BRINP2: variants seen among roughly 807,000 people sequenced by gnomAD.
BRINP2 encodes the protein BMP/retinoic acid-inducible neural-specific protein 2.
A neutral mutation model predicts 69.2 loss-of-function variants in BRINP2; 21 were observed. The observed-to-expected ratio is 0.30, with a 90% confidence interval of 0.22 to 0.44. The LOEUF is 0.44. Ranked by LOEUF, BRINP2 falls within the 20% of genes least tolerant of loss-of-function variation. The pLI, the probability that BRINP2 is intolerant of heterozygous loss-of-function variation, is 1.00. For missense variants in BRINP2, 877 were observed against 986.0 expected, an observed-to-expected ratio of 0.89 and a Z score of 1.48; for synonymous variants, 380 against 394.1, an observed-to-expected ratio of 0.96 and a Z score of 0.42.
intron 1 of BRINP2, among the ~76,000 whole-genome samples, chr1:177,202,719 T>G (rs1337556474): frequency 6.6e-6 from 1 of 152,146 alleles, no homozygotes; most frequent in Non-Finnish European, 1.5e-5. Context: ...AAAAAACACA[T>G]GAAAAAATGC....
rs778923694 is a variant in BRINP2, at chr1:177,255,981, C to T, written c.332C>T (p.Pro111Leu). The part of the protein sequence containing the change: ...ALERKDFFSL[P>L]LPLAPEFIRN... ...GAAAGGAAGGACTTCTTCAGTTTGC[C>T]ATTGCCTCTTGCCCCAGAGTTTATC... The change falls in exon 3 of 8, where the codon CCA (proline) becomes CTA (leucine). Residue 111 changes from proline (P) to leucine (L), a missense_variant. Physicochemically the swap from Pro to Leu is moderately conservative, Grantham distance 98 (BLOSUM62 -3). Coordinates refer to ENST00000361539, the MANE Select transcript of BRINP2 (RefSeq NM_021165.4). 6.2e-7 allele frequency: 1 copy of T among 1,614,228 alleles called. No homozygotes were observed. Among genetic ancestry groups the T allele is most frequent in the Non-Finnish European group, 8.5e-7 (1 of 1,180,044 alleles).
At chr1:177,181,683 G>C (rs1648253363) in intron 1 of BRINP2, among the ~76,000 whole-genome samples, 1 of 152,234 alleles carries the variant, frequency 6.6e-6, no homozygotes, top group Admixed American at 6.5e-5. Context: ...TCAATACGTC[G>C]TTAGGCAGGA....
At position 177,224,461 on chromosome 1, in the gene BRINP2, T is replaced by A. The variant is rs551130957; in HGVS notation, c.-76-5340T>A. Among the ~76,000 whole-genome samples the A allele has an allele frequency of 2.0e-5, 3 of 152,304 alleles. No homozygotes were observed. The South Asian group carries it at 6.2e-4, about 32-fold the overall frequency. ...TACATATGTGCCCCTTATATTTGCA[T>A]AGAATTATGGAATATCAGCAGCAGG... is the stretch of plus-strand genomic sequence containing the variant. On this transcript the variant is annotated intron_variant, in intron 1 of 7. Transcript: ENST00000361539.
At chr1:177,272,507 T>C (rs543171782) in intron 4 of BRINP2, among the ~76,000 whole-genome samples, 2 of 152,204 alleles carry the variant, frequency 1.3e-5, no homozygotes, top group South Asian at 2.1e-4. Flanking sequence ...TTGGAGCCTA[T>C]AGAGTGTAGG....
intron 2 of BRINP2, among the ~76,000 whole-genome samples, chr1:177,238,033 G>T (rs1275052590): frequency 6.6e-6 from 1 of 152,182 alleles, no homozygotes; most frequent in Non-Finnish European, 1.5e-5. Context: ...AACAGTGAGT[G>T]GCACAGGGTG....
chr1:177,173,273 A>C (rs1186353969), intron 1 of BRINP2, among the ~76,000 whole-genome samples: 2 of 152,244 alleles, frequency 1.3e-5, no homozygotes, highest in Non-Finnish European at 2.9e-5. Context: ...GAAAAGATGC[A>C]TGCCTTGCTT....
chr1:177,276,079 C>T, intron 5 of BRINP2, 119 bp from the exon 6 acceptor site: 2 of 939,264 alleles, frequency 2.1e-6, no homozygotes, highest in Non-Finnish European at 3.3e-6. Context: ...GGTGCCCATG[C>T]TTGGGCCCAG....
chr1:177,269,319 A>C (rs1271728686), intron 4 of BRINP2, among the ~76,000 whole-genome samples: 1 of 152,248 alleles, frequency 6.6e-6, no homozygotes, highest in Admixed American at 6.5e-5. Context: ...CACTTTGCAC[A>C]CTGTGAAGGG....
intron 1 of BRINP2, among the ~76,000 whole-genome samples, chr1:177,210,758 A>AC (rs1649198984): frequency 6.6e-6 from 1 of 151,952 alleles, no homozygotes; most frequent in African/African-American, 2.4e-5. Flanking sequence ...CTAAATAGAG[A>AC]ATCAAAACTT....
At chr1:177,212,558 A>T (rs2102311879) in intron 1 of BRINP2, among the ~76,000 whole-genome samples, 1 of 152,158 alleles carries the variant, frequency 6.6e-6, no homozygotes, top group East Asian at 1.9e-4. Flanking sequence ...AAAAAAAAAA[A>T]ATTTATTGGT....
intron 2 of BRINP2, among the ~76,000 whole-genome samples, chr1:177,243,639 T>A (rs1320145123): frequency 6.6e-6 from 1 of 152,164 alleles, no homozygotes; most frequent in African/African-American, 2.4e-5. Context: ...ATTGGATAGA[T>A]ACAATCAAGA....
rs77314950 is a variant in BRINP2, at chr1:177,257,420, G to A, written c.669+36G>A. ...GAGAGGTACAGGGAAGGGGATGGGG[G>A]AAGCACTGAGGAACCAGGGGGAGGC... On this transcript the variant is annotated intron_variant, in intron 4 of 7. Coordinates refer to ENST00000361539, the MANE Select transcript of BRINP2 (RefSeq NM_021165.4). 1.5e-3 allele frequency: 2,284 copies of A among 1,547,076 alleles called. 25 individuals carry two copies. The African/African-American group carries it at 0.027, about 18-fold the overall frequency.
chr1:177,173,539 T>G (rs1408364322), intron 1 of BRINP2, among the ~76,000 whole-genome samples: 8 of 151,760 alleles, frequency 5.3e-5, no homozygotes, highest in Non-Finnish European at 1.0e-4. Context: ...AGAAAGGAGG[T>G]GAGGAGAAAA....
chr1:177,179,834 G>A (rs1648195805), intron 1 of BRINP2, among the ~76,000 whole-genome samples: 1 of 152,116 alleles, frequency 6.6e-6, no homozygotes, highest in Admixed American at 6.5e-5. Context: ...GTATGCAGAG[G>A]GGGTTGATTC....
chr1:177,224,862 T>A lies in BRINP2; in HGVS notation c.-76-4939T>A, dbSNP rs74805514. Among the ~76,000 whole-genome samples the A allele has an allele frequency of 3.5e-3, 540 of 152,386 alleles. 4 individuals are homozygous for A. Among genetic ancestry groups the A allele is most frequent in the African/African-American group, 0.012 (519 of 41,592 alleles). On this transcript the variant is annotated intron_variant, in intron 1 of 7. Coordinates refer to ENST00000361539, the MANE Select transcript of BRINP2 (RefSeq NM_021165.4). Reference sequence around the variant, plus strand: ...TTAACAACCTTGTTACCTACAATATTACTCTCATACCTATTTTACCTTTTC... The same window carrying A: ...TTAACAACCTTGTTACCTACAATATAACTCTCATACCTATTTTACCTTTTC...
chr1:177,249,544 G>A (rs2102340487), intron 2 of BRINP2, among the ~76,000 whole-genome samples: 1 of 152,162 alleles, frequency 6.6e-6, no homozygotes, highest in East Asian at 1.9e-4. Context: ...CAAACACAGT[G>A]GGAGAAGATT....
chr1:177,281,468 G>C lies in BRINP2; in HGVS notation c.2292G>C (p.Arg764Ser), dbSNP rs1314032007. Residue 764 changes from arginine to serine, a missense_variant, in exon 8 of 8, where the codon AGG becomes AGC. Physicochemically the swap from Arg to Ser is moderately radical, Grantham distance 110. Coordinates refer to ENST00000361539, the MANE Select transcript of BRINP2 (RefSeq NM_021165.4). Reference protein sequence around the residue: ...NEVGRIQSSLRAFNSKLPNPV... With the variant: ...NEVGRIQSSLSAFNSKLPNPV... ...TGGGCAGGATCCAGTCCTCCCTGAG[G>C]GCTTTCAATTCTAAGCTGCCAAACC... 5 of 1,613,364 alleles carry C rather than the reference G, an allele frequency of 3.1e-6. No individual in the cohort carries two copies. Among genetic ancestry groups the C allele is most frequent in the Non-Finnish European group, 4.2e-6 (5 of 1,179,984 alleles).
chr1:177,254,429 C>T (rs1650688366), intron 2 of BRINP2, among the ~76,000 whole-genome samples: 1 of 151,522 alleles, frequency 6.6e-6, no homozygotes. Flanking sequence ...TTAAGAATGT[C>T]CTTAAAGCAG....
At chr1:177,211,601 C>T (rs1354057309) in intron 1 of BRINP2, among the ~76,000 whole-genome samples, 1 of 152,066 alleles carries the variant, frequency 6.6e-6, no homozygotes, top group Non-Finnish European at 1.5e-5. Context: ...TCTGTCCAGC[C>T]CTGTGTTGTT....
Sources: allele counts gnomAD v4.1 joint callset (sites outside exome capture counted in the v4.1 genomes callset), GRCh38; gene constraint gnomAD v4.1.1; transcripts MANE v1.5; gene names NCBI Gene and HGNC (gene_info 2026-07-23, HGNC 2026-07-21).